CPAMD8: variants seen among roughly 807,000 people sequenced by gnomAD.
The protein encoded by CPAMD8 is C3 and PZP-like alpha-2-macroglobulin domain-containing protein 8.
Under a neutral mutation model 224.7 loss-of-function variants are expected in CPAMD8, and 146 were observed. The observed-to-expected ratio is 0.65, with a 90% CI of 0.57 to 0.75. The LOEUF (loss-of-function observed/expected upper bound fraction) is 0.75. CPAMD8 is among the 30% of genes least tolerant of loss of function. The pLI, the probability that CPAMD8 is intolerant of heterozygous loss-of-function variation, is 0.00. For missense variants in CPAMD8, 2,301 were observed against 2,537.5 expected, an observed-to-expected ratio of 0.91 and a Z score of 2.00; for synonymous variants, 966 against 1,044.6, an observed-to-expected ratio of 0.92 and a Z score of 1.45.
At position 16,902,670 on chromosome 19, in the gene CPAMD8, ACCTTGTATT is replaced by A. The variant is rs750912666; in HGVS notation, c.4655_4663del (p.Glu1552_Lys1554del). The A allele has an allele frequency of 1.6e-5, 25 of 1,609,682 alleles. No individual in the cohort carries two copies. Among genetic ancestry groups the A allele is most frequent in the Non-Finnish European group, 1.9e-5 (22 of 1,178,646 alleles). ...TTACCTGGTGCACACCTCCAGCATC[ACCTTGTATT>A]CCTGGTGATGCTGATCGGCCGCTGG... On this transcript the variant is annotated inframe_deletion, in exon 35 of 42. Coordinates refer to ENST00000443236, the MANE Select transcript of CPAMD8 (RefSeq NM_015692.5).
chr19:16,907,307 C>CTTTT lies in CPAMD8; in HGVS notation c.3862-194_3862-191dup, dbSNP rs71334641. ...CCATCTCCTTTCTTTTCTTTCTTGC[C>CTTTT]TTTTTTTTTTTTTTTTTTTTTTGGT... is the stretch of plus-strand genomic sequence containing the variant. On this transcript the variant is annotated intron_variant, in intron 29 of 41. Coordinates refer to ENST00000443236, the MANE Select transcript of CPAMD8 (RefSeq NM_015692.5). 5.4e-4 allele frequency among the ~76,000 whole-genome samples: 44 copies of CTTTT among 81,072 alleles called. 2 individuals carry two copies. Among genetic ancestry groups the CTTTT allele is most frequent in the African/African-American group, 1.3e-3 (25 of 18,968 alleles). 53.2% of individuals were successfully genotyped at this position (81,072 alleles called of 152,430 possible). A position where few individuals can be genotyped will look rare whatever the true frequency, so the allele number is the denominator to read the frequency against.
chr19:16,945,765 G>A, intron 21 of CPAMD8, 86 bp from the exon 22 acceptor site: 6 of 1,230,106 alleles, frequency 4.9e-6, no homozygotes, highest in Non-Finnish European at 6.0e-6. Flanking sequence ...CCAGATGTGT[G>A]TGCATGCATG....
At chr19:17,001,640 T>A (rs1372846755) in intron 9 of CPAMD8, among the ~76,000 whole-genome samples, 2 of 151,456 alleles carry the variant, frequency 1.3e-5, no homozygotes, top group Admixed American at 6.6e-5. Context: ...AGACAGGCAG[T>A]GGGTAGAGTG....
intron 23 of CPAMD8, among the ~76,000 whole-genome samples, chr19:16,932,552 A>T (rs1201745871): frequency 6.7e-6 from 1 of 148,872 alleles, no homozygotes; most frequent in South Asian, 2.1e-4. Flanking sequence ...GAATTCATTA[A>T]ATGAAATACA....
chr19:16,987,179 A>AAAAAAAT (rs1555784836), intron 13 of CPAMD8, among the ~76,000 whole-genome samples: 38 of 53,910 alleles, frequency 7.0e-4, no homozygotes, highest in African/African-American at 1.3e-3. Context: ...AAAAAAAAAA[A>AAAAAAAT]ATATATATAT....
At position 16,893,204 on chromosome 19, in the gene CPAMD8, C is replaced by A; in HGVS notation, c.5562G>T (p.Arg1854Ser). 2 of 1,595,282 alleles carry A rather than the reference C, an allele frequency of 1.3e-6. No individual in the cohort carries two copies. The highest frequency in any genetic ancestry group is 4.5e-5 in the East Asian group (2 of 44,246). ...CGAAGACAGGGCTCAGAAGCCCTGGCCTGTGGGCCCCCACCACCCGGCCAC... is the reference window on the plus strand; with the variant it reads ...CGAAGACAGGGCTCAGAAGCCCTGGACTGTGGGCCCCCACCACCCGGCCAC... ...RHSGRVVGAH[R>S]PGLLSPVFVY... Residue 1854 changes from arginine (R) to serine (S), a missense_variant, in exon 42 of 42, where the codon AGG becomes AGT. Physicochemically the swap from Arg to Ser is moderately radical, Grantham distance 110. Coordinates refer to ENST00000443236, the MANE Select transcript of CPAMD8 (RefSeq NM_015692.5).
At chr19:16,975,013 C>G in intron 17 of CPAMD8, 84 bp downstream of exon 17, 6 of 1,491,784 alleles carry the variant, frequency 4.0e-6, no homozygotes, top group Non-Finnish European at 4.5e-6. Flanking sequence ...TGTTTCCAAC[C>G]CATTTCTGAA....
intron 3 of CPAMD8, among the ~76,000 whole-genome samples, chr19:17,016,700 C>T (rs2056820830): frequency 6.6e-6 from 1 of 152,092 alleles, no homozygotes. Flanking sequence ...GCAGAGGTTG[C>T]AGTGAGCTGA....
At chr19:16,962,630 C>A (rs1261787927) in intron 18 of CPAMD8, among the ~76,000 whole-genome samples, 3 of 152,106 alleles carry the variant, frequency 2.0e-5, no homozygotes, top group Non-Finnish European at 4.4e-5. Flanking sequence ...AGGATATTAT[C>A]CAGGAGAACT....
chr19:16,957,161 G>A (rs2054498851), intron 19 of CPAMD8, among the ~76,000 whole-genome samples: 1 of 152,266 alleles, frequency 6.6e-6, no homozygotes, highest in East Asian at 1.9e-4. Context: ...ATCCCCCAAA[G>A]CAGTCTGAGG....
intron 13 of CPAMD8, among the ~76,000 whole-genome samples, chr19:16,984,360 T>C (rs2055637754): frequency 6.8e-6 from 1 of 147,118 alleles, no homozygotes; most frequent in Non-Finnish European, 1.5e-5. Context: ...GAGAATGAAT[T>C]TGGATCCCTA....
chr19:16,905,564 G>GAAA (rs2052441461), intron 30 of CPAMD8, among the ~76,000 whole-genome samples: 8 of 46,354 alleles, frequency 1.7e-4, no homozygotes, highest in East Asian at 1.3e-3. Flanking sequence ...AAAAAAGGAA[G>GAAA]AAAAGAAAAA....
chr19:17,006,589 C>A (rs1234317245), intron 7 of CPAMD8, among the ~76,000 whole-genome samples: 1 of 152,080 alleles, frequency 6.6e-6, no homozygotes, highest in Non-Finnish European at 1.5e-5. Context: ...CTGGCTCTTG[C>A]CAGTGTCACC....
intron 22 of CPAMD8, among the ~76,000 whole-genome samples, chr19:16,943,809 C>T (rs922047434): frequency 6.6e-6 from 1 of 152,192 alleles, no homozygotes; most frequent in African/African-American, 2.4e-5. Context: ...TCTCATTTAA[C>T]CATCCAACGC....
chr19:17,016,442 G>A (rs1170600782), intron 3 of CPAMD8, among the ~76,000 whole-genome samples: 1 of 152,154 alleles, frequency 6.6e-6, no homozygotes, highest in African/African-American at 2.4e-5. Flanking sequence ...ACCTGCTCCA[G>A]GGAAATGGCT....
At chr19:16,910,329 C>T (rs2052677939) in intron 29 of CPAMD8, among the ~76,000 whole-genome samples, 2 of 150,612 alleles carry the variant, frequency 1.3e-5, no homozygotes, top group African/African-American at 4.9e-5. Context: ...GCCATCACAC[C>T]CAGCTAATTT....
At chr19:16,934,416 G>C (rs1342696715) in intron 23 of CPAMD8, among the ~76,000 whole-genome samples, 1 of 151,990 alleles carries the variant, frequency 6.6e-6, no homozygotes, top group East Asian at 1.9e-4. Context: ...ATATTAAAAA[G>C]TAGAAGTACT....
chr19:16,927,929 C>A, intron 25 of CPAMD8, 80 bp downstream of exon 25: 2 of 1,069,638 alleles, frequency 1.9e-6, no homozygotes, highest in Non-Finnish European at 2.9e-6. Context: ...CAGCAAAGCC[C>A]AGCTTGAGAC....
chr19:16,930,596 T>C (rs924712257), intron 23 of CPAMD8, among the ~76,000 whole-genome samples: 5 of 151,998 alleles, frequency 3.3e-5, no homozygotes, highest in Admixed American at 2.6e-4. Flanking sequence ...CTCCCCAGTG[T>C]GAGGAAAGGG....
Sources: allele counts gnomAD v4.1 joint callset (sites outside exome capture counted in the v4.1 genomes callset), GRCh38; gene constraint gnomAD v4.1.1; transcripts MANE v1.5; gene names NCBI Gene and HGNC (gene_info 2026-07-23, HGNC 2026-07-21).